Variants in LIPC observed in about 807,000 individuals in gnomAD.
LIPC encodes the protein lipase C, hepatic type.
Under a neutral mutation model 50.7 loss-of-function variants are expected in LIPC, and 44 were observed. The observed-to-expected ratio is 0.87, with a 90% CI of 0.68 to 1.11. The LOEUF is 1.11. LIPC is among the 50% of genes most tolerant of loss of function. LIPC has a pLI of 0.00. For synonymous variants in LIPC, 271 were observed against 256.4 expected, an observed-to-expected ratio of 1.06 and a Z score of -0.54; for missense variants, 697 against 648.2, an observed-to-expected ratio of 1.08 and a Z score of -0.82.
chr15:58,525,514 A>C (rs2140882444), intron 1 of LIPC, among the ~76,000 whole-genome samples: 1 of 152,334 alleles, frequency 6.6e-6, no homozygotes, highest in South Asian at 2.1e-4. Flanking sequence ...ATATGCCTGC[A>C]GGCATCCAAC....
intron 1 of LIPC, among the ~76,000 whole-genome samples, chr15:58,502,420 A>G (rs1195415322): frequency 3.9e-5 from 6 of 152,102 alleles, no homozygotes; most frequent in Non-Finnish European, 8.8e-5. Flanking sequence ...TATTCCTTCA[A>G]AACAAGGAAA....
intron 1 of LIPC, among the ~76,000 whole-genome samples, chr15:58,447,452 C>G (rs1308711639): frequency 6.6e-6 from 1 of 152,204 alleles, no homozygotes; most frequent in Non-Finnish European, 1.5e-5. Context: ...CATTATAGGT[C>G]TTACAGAAGT....
At chr15:58,567,259 ATG>A (rs1290705551) in intron 8 of LIPC, among the ~76,000 whole-genome samples, 5 of 47,456 alleles carry the variant, frequency 1.1e-4, no homozygotes, top group South Asian at 9.9e-4. Flanking sequence ...GTATATATAT[ATG>A]TATATGTGTG....
intron 1 of LIPC, among the ~76,000 whole-genome samples, chr15:58,459,809 C>A (rs1045155662): frequency 6.6e-6 from 1 of 152,224 alleles, no homozygotes; most frequent in Non-Finnish European, 1.5e-5. Context: ...GGGGGAAGGA[C>A]AGAGGTATCT....
At chr15:58,551,975 A>G (rs918038488) in intron 6 of LIPC, among the ~76,000 whole-genome samples, 6 of 152,246 alleles carry the variant, frequency 3.9e-5, no homozygotes, top group African/African-American at 1.4e-4. Flanking sequence ...AGAATTGGGA[A>G]ACAGTCGCCG....
chr15:58,445,021 T>G (rs1047316579), intron 1 of LIPC, among the ~76,000 whole-genome samples: 3 of 152,170 alleles, frequency 2.0e-5, no homozygotes, highest in Non-Finnish European at 4.4e-5. Flanking sequence ...ACAGGGGGCC[T>G]GTGCTGAAAG....
intron 1 of LIPC, among the ~76,000 whole-genome samples, chr15:58,488,808 T>C (rs1317681701): frequency 6.6e-6 from 1 of 152,136 alleles, no homozygotes; most frequent in African/African-American, 2.4e-5. Flanking sequence ...ACCACTCCCA[T>C]AAAGGGCCAT....
At chr15:58,534,117 G>GA (rs1230174937) in intron 1 of LIPC, among the ~76,000 whole-genome samples, 1 of 152,184 alleles carries the variant, frequency 6.6e-6, no homozygotes, top group Non-Finnish European at 1.5e-5. Context: ...ACCACAATAG[G>GA]AAACGTAGGA....
intron 1 of LIPC, among the ~76,000 whole-genome samples, chr15:58,478,951 G>A (rs2140767656): frequency 6.6e-6 from 1 of 152,352 alleles, no homozygotes; most frequent in South Asian, 2.1e-4. Flanking sequence ...CAACCGTGTG[G>A]TCCACATTCT....
intron 6 of LIPC, among the ~76,000 whole-genome samples, chr15:58,560,107 C>T (rs574843774): frequency 2.0e-5 from 3 of 152,268 alleles, no homozygotes; most frequent in South Asian, 2.1e-4. Flanking sequence ...TATCATTTAA[C>T]GATGCCATGT....
At chr15:58,494,151 G>A (rs1566928454) in intron 1 of LIPC, among the ~76,000 whole-genome samples, 1 of 152,206 alleles carries the variant, frequency 6.6e-6, no homozygotes, top group Non-Finnish European at 1.5e-5. Flanking sequence ...CATGGCAGTT[G>A]GCTTCTCCCA....
chr15:58,533,248 T>C (rs867578092), intron 1 of LIPC: 1 of 775,030 alleles, frequency 1.3e-6, no homozygotes, highest in African/African-American at 1.9e-5. Flanking sequence ...TCTTCACTCA[T>C]AGCTAAAGCA....
At chr15:58,555,495 T>C (rs1893909752) in intron 6 of LIPC, among the ~76,000 whole-genome samples, 1 of 151,728 alleles carries the variant, frequency 6.6e-6, no homozygotes, top group Non-Finnish European at 1.5e-5. Flanking sequence ...ATAGAAAGAG[T>C]CTTTTGGAAT....
At chr15:58,452,005 C>T (rs1893916916) in intron 1 of LIPC, among the ~76,000 whole-genome samples, 2 of 152,236 alleles carry the variant, frequency 1.3e-5, no homozygotes, top group East Asian at 3.8e-4. Context: ...AATGCTCAAG[C>T]ATCGTTCCTC....
At chr15:58,511,389 CCATTGCATTTACCATTG>C (rs369578970) in intron 1 of LIPC, among the ~76,000 whole-genome samples, 5,652 of 152,098 alleles carry the variant, frequency 0.037, 342 homozygotes, top group African/African-American at 0.13. Context: ...ATAAATCATT[CCATTGCATTTACCATTG>C]CATTGCATTT....
chr15:58,465,146 G>C (rs1301134131), intron 1 of LIPC, among the ~76,000 whole-genome samples: 1 of 152,094 alleles, frequency 6.6e-6, no homozygotes, highest in African/African-American at 2.4e-5. Flanking sequence ...ATCCCCTCAG[G>C]AACCAGGGGA....
chr15:58,507,488 A>G (rs1256792150), intron 1 of LIPC, among the ~76,000 whole-genome samples: 2 of 152,170 alleles, frequency 1.3e-5, no homozygotes, highest in African/African-American at 4.8e-5. Context: ...CGATTGAATT[A>G]TTTCTTTGAA....
chr15:58,557,706 A>G (rs1894006643), intron 6 of LIPC, among the ~76,000 whole-genome samples: 1 of 152,090 alleles, frequency 6.6e-6, no homozygotes, highest in South Asian at 2.1e-4. Context: ...TTTTAATTGC[A>G]TTTAGCACTG....
chr15:58,567,249 GTATATA>G (rs1555408068), intron 8 of LIPC, among the ~76,000 whole-genome samples: 1 of 108,832 alleles, frequency 9.2e-6, no homozygotes, highest in Middle Eastern at 4.5e-3. Flanking sequence ...GTGTGTGTGT[GTATATA>G]TATATGTATA....
Sources: allele counts gnomAD v4.1 joint callset (sites outside exome capture counted in the v4.1 genomes callset), GRCh38; gene constraint gnomAD v4.1.1; transcripts MANE v1.5; gene names NCBI Gene and HGNC (gene_info 2026-07-23, HGNC 2026-07-21).